The following RABL6 variants were observed in gnomAD, a reference collection of about 807,000 sequenced individuals.
RABL6 encodes RAB, member RAS oncogene family like 6, also known as rab-like protein 6.
RABL6 carries 28 observed loss-of-function variants against 72.9 expected under a neutral mutation model. That is an observed-to-expected ratio of 0.38 (90% confidence interval 0.28 to 0.53). The LOEUF is 0.53. Among genes scored for constraint, RABL6 ranks in the 20% least tolerant of loss-of-function variants. The probability of loss-of-function intolerance (pLI) is 0.80; values close to 1 mark genes in which losing one functional copy is unlikely to be tolerated. For missense variants in RABL6, 1,029 were observed against 1,008.4 expected (o/e 1.02, Z -0.28); for synonymous variants, 477 against 421.2 (o/e 1.13, Z -1.62).
At chr9:136,817,553 A>AAGGGAGGCCGACGTGGGCTGT (rs1848144705) in intron 1 of RABL6, among the ~76,000 whole-genome samples, 1 of 17,040 alleles carries the variant, frequency 5.9e-5, no homozygotes, top group Non-Finnish European at 1.8e-4. Flanking sequence ...ACGTGGGCTG[A>AAGGGAGGCCGACGTGGGCTGT]GGGGAGGCCG....
At chr9:136,838,060 C>T (rs1848617286) in intron 10 of RABL6, 45 bp downstream of exon 10, 1 of 1,545,762 alleles carries the variant, frequency 6.5e-7, no homozygotes, top group East Asian at 2.4e-5. Context: ...CCCCCAGCCT[C>T]CAGGGTGCCC....
rs375975949 is a variant in RABL6 at position 136,840,200 on chromosome 9, A to G, written c.1977A>G (p.Lys659=). 134 of 1,612,656 alleles carry G rather than the reference A, an allele frequency of 8.3e-5. No individual in the cohort carries two copies. Among genetic ancestry groups the G allele is most frequent in the Middle Eastern group, 6.6e-4 (4 of 6,084 alleles). The change falls in exon 14 of 15, where the codon AAA becomes AAG. Residue 659 remains lysine, a synonymous_variant. Coordinates refer to ENST00000311502, the MANE Select transcript of RABL6 (RefSeq NM_024718.5). ...TPSKEKKKKK[K]KGKEEEEKAA... The stretch of plus-strand genomic sequence containing the variant: ...CTAAGGAGAAGAAGAAGAAGAAGAA[A>G]AAAGGCAAAGAGGTACTGGCTACTC...
At chr9:136,819,748 G>A (rs1848200680) in intron 1 of RABL6, among the ~76,000 whole-genome samples, 2 of 152,148 alleles carry the variant, frequency 1.3e-5, no homozygotes, top group Non-Finnish European at 2.9e-5. Flanking sequence ...TGGACCTGAA[G>A]GCTCAAGGAA....
intron 8 of RABL6, chr9:136,837,040 A>G (rs1848595540): frequency 6.2e-6 from 3 of 484,902 alleles, no homozygotes; most frequent in Non-Finnish European, 1.1e-5. Context: ...CACCCGGCTA[A>G]TTTTTTTTGT....
intron 1 of RABL6, 92 bp downstream of exon 1, chr9:136,808,418 C>T (rs917356644): frequency 3.1e-6 from 4 of 1,279,322 alleles, no homozygotes; most frequent in Middle Eastern, 2.9e-4. Context: ...GTCGGTCTCA[C>T]CTGCTTGCCG....
At chr9:136,831,980 G>A in intron 6 of RABL6, 119 bp downstream of exon 6, 12 of 1,385,128 alleles carry the variant, frequency 8.7e-6, no homozygotes, top group Non-Finnish European at 1.1e-5. Flanking sequence ...GCGGATGTGG[G>A]TCTCGCCGCT....
chr9:136,825,614 G>A (rs772261465), intron 2 of RABL6, among the ~76,000 whole-genome samples, 165 bp from the exon 3 acceptor site: 3 of 152,188 alleles, frequency 2.0e-5, no homozygotes, highest in Admixed American at 6.5e-5. Flanking sequence ...TGAAGGAGCC[G>A]CCATGTGGTC....
intron 7 of RABL6, chr9:136,833,847 G>GT (rs1848532951): frequency 6.4e-7 from 1 of 1,550,418 alleles, no homozygotes; most frequent in Non-Finnish European, 8.7e-7. Context: ...AGTCAGACTT[G>GT]TCCTGTGCCG....
At chr9:136,808,348 G>T in intron 1 of RABL6, 22 bp downstream of exon 1, 2 of 1,494,942 alleles carry the variant, frequency 1.3e-6, no homozygotes, top group Non-Finnish European at 1.8e-6. Context: ...GGGCCGGGGG[G>T]GCGCGGGAGC....
At position 136,840,528 on chromosome 9, in the gene RABL6, C is replaced by G; in HGVS notation, c.*6C>G. 1 of 1,542,490 alleles carries G rather than the reference C, an allele frequency of 6.5e-7. No homozygotes were observed. The highest frequency in any genetic ancestry group is 8.7e-7 in the Non-Finnish European group (1 of 1,144,380). ...GCGACTACGAGGAGCTCTAGGCCGG[C>G]GTGGGCAGTGGCCGCCCTGGGGCGG... is the stretch of plus-strand genomic sequence containing the variant. On this transcript the variant is annotated 3_prime_UTR_variant, in exon 15 of 15. Transcript: ENST00000311502.
chr9:136,840,241 C>G, intron 14 of RABL6, 29 bp downstream of exon 14: 2 of 1,612,638 alleles, frequency 1.2e-6, no homozygotes, highest in Admixed American at 1.7e-5. Flanking sequence ...CCTGGCAGGC[C>G]AGGACTGGGT....
chr9:136,831,583 G>A (rs766014812), intron 5 of RABL6, 138 bp from the exon 6 acceptor site: 27 of 1,260,976 alleles, frequency 2.1e-5, no homozygotes, highest in Non-Finnish European at 2.8e-5. Context: ...CTGCATGCAC[G>A]AGGCATGCTT....
intron 7 of RABL6, 192 bp from the exon 8 acceptor site, chr9:136,835,550 G>A (rs1487371508): frequency 1.8e-6 from 1 of 561,322 alleles, no homozygotes; most frequent in South Asian, 2.4e-5. Flanking sequence ...GGCCACCGCA[G>A]AGGAATCCTC....
rs1848611083 is a variant in RABL6 at position 136,837,790 on chromosome 9, G to T, written c.1127-72G>T. ...CAGTCCCGTGGGCACATCCCGGGTG[G>T]GCCTGGCTTGGGGTTGGGTGCAGTG... On this transcript the variant is annotated intron_variant, in intron 9 of 14. Transcript: ENST00000311502. 3 of 1,540,764 alleles carry T rather than the reference G, an allele frequency of 1.9e-6. No individual in the cohort carries two copies. In the South Asian group the frequency reaches 3.6e-5, roughly 18 times the overall value.
At chr9:136,808,513 G>C in intron 1 of RABL6, 187 bp downstream of exon 1, 1 of 476,750 alleles carries the variant, frequency 2.1e-6, no homozygotes, top group Non-Finnish European at 3.1e-6. Flanking sequence ...GCCAGGGCCG[G>C]GTCCTCGCGG....
rs1250704322 is a variant in RABL6, at chr9:136,818,380, AAAAAAAAAAAAAAAAAAAAAAAAAC to A, written c.131-5144_131-5120del. On this transcript the variant is annotated intron_variant, in intron 1 of 14. Coordinates refer to ENST00000311502, the MANE Select transcript of RABL6 (RefSeq NM_024718.5). ...TCTGTCTCAAAAAAAAAAAAAAAAA[AAAAAAAAAAAAAAAAAAAAAAAAAC>A]CAAAGGTAAGCAAAGAAACTGGTAA... Among the ~76,000 whole-genome samples the A allele has an allele frequency of 8.1e-3, 975 of 119,948 alleles. 63 individuals are homozygous for A. The highest frequency in any genetic ancestry group is 0.036 in the African/African-American group (933 of 25,778). 78.7% of individuals were successfully genotyped at this position (119,948 alleles called of 152,430 possible). A position where few individuals can be genotyped will look rare whatever the true frequency, so the allele number is the denominator to read the frequency against.
chr9:136,838,579 G>A (rs374848478), intron 10 of RABL6, among the ~76,000 whole-genome samples: 1 of 152,242 alleles, frequency 6.6e-6, no homozygotes, highest in Non-Finnish European at 1.5e-5. Flanking sequence ...CTGTGGGGCA[G>A]CGGCTTCCTC....
At chr9:136,829,704 C>T (rs1848431786) in intron 5 of RABL6, among the ~76,000 whole-genome samples, 1 of 152,218 alleles carries the variant, frequency 6.6e-6, no homozygotes, top group African/African-American at 2.4e-5. Context: ...TGGCGTGGGC[C>T]GGCTGCAAAA....
At chr9:136,831,630 C>T in intron 5 of RABL6, 91 bp from the exon 6 acceptor site, 1 of 1,549,708 alleles carries the variant, frequency 6.5e-7, no homozygotes. Flanking sequence ...AAGCAGCCAC[C>T]ATCCTCGGGC....
Sources: allele counts gnomAD v4.1 joint callset (sites outside exome capture counted in the v4.1 genomes callset), GRCh38; gene constraint gnomAD v4.1.1; transcripts MANE v1.5; gene names NCBI Gene and HGNC (gene_info 2026-07-23, HGNC 2026-07-21).